Variants in GRM1 observed in about 807,000 individuals in gnomAD.
GRM1 encodes the protein glutamate metabotropic receptor 1, also known as metabotropic glutamate receptor 1.
In GRM1, 33 loss-of-function variants were observed where a neutral mutation model predicts 90.9. The ratio of observed to expected loss-of-function variants is 0.36; its 90% CI spans 0.28 to 0.49. The LOEUF is 0.49. Ranked by LOEUF, GRM1 falls within the 20% of genes least tolerant of loss-of-function variation. The pLI, the probability that GRM1 is intolerant of heterozygous loss-of-function variation, is 0.99. For missense variants in GRM1, 1,190 were observed against 1,534.3 expected (o/e 0.78, Z 3.75); for synonymous variants, 700 against 613.2 (o/e 1.14, Z -2.09).
chr6:146,357,033 T>C (rs1372343971), intron 4 of GRM1, among the ~76,000 whole-genome samples: 1 of 152,192 alleles, frequency 6.6e-6, no homozygotes, highest in Admixed American at 6.5e-5. Context: ...ACATCCTTAG[T>C]AATTAAAGAT....
chr6:146,167,175 A>G (rs1056858423), intron 2 of GRM1, among the ~76,000 whole-genome samples: 1 of 152,274 alleles, frequency 6.6e-6, no homozygotes, highest in Non-Finnish European at 1.5e-5. Context: ...CTTTCAATTG[A>G]CAAAATACTT....
rs368105197 is a variant in GRM1 at position 146,349,329 on chromosome 6, C to T, written c.1187-2921C>T. Among the ~76,000 whole-genome samples the T allele has an allele frequency of 5.2e-4, 79 of 151,876 alleles. 2 individuals are homozygous for T. In the East Asian group the frequency reaches 0.015, roughly 28 times the overall value. ...ATCTCCTGACCTCATGATCCGTCCG[C>T]CTCAGCCTCCCAAAGTGCTGGGATT... is the stretch of plus-strand genomic sequence containing the variant. On this transcript the variant is annotated intron_variant, in intron 3 of 7. Coordinates refer to ENST00000282753, the MANE Select transcript of GRM1 (RefSeq NM_001278064.2).
chr6:146,272,275 A>T (rs1309854636), intron 2 of GRM1, among the ~76,000 whole-genome samples: 2 of 152,250 alleles, frequency 1.3e-5, no homozygotes, highest in Admixed American at 1.3e-4. Flanking sequence ...AATGAACATA[A>T]TAATCTCCTA....
intron 1 of GRM1, among the ~76,000 whole-genome samples, chr6:146,100,001 C>G (rs1583001272): frequency 1.3e-5 from 2 of 152,302 alleles, no homozygotes; most frequent in East Asian, 3.9e-4. Flanking sequence ...TATGACAATT[C>G]CTACTGCTCC....
At chr6:146,169,615 C>T (rs1778028142) in intron 2 of GRM1, among the ~76,000 whole-genome samples, 1 of 152,170 alleles carries the variant, frequency 6.6e-6, no homozygotes, top group Non-Finnish European at 1.5e-5. Context: ...CTGCTTCAAC[C>T]TTCCCAAACT....
intron 2 of GRM1, among the ~76,000 whole-genome samples, chr6:146,194,949 G>T (rs1779063598): frequency 1.3e-5 from 2 of 152,148 alleles, no homozygotes; most frequent in South Asian, 4.1e-4. Context: ...CTGTGACTTG[G>T]TTTATTACAT....
intron 1 of GRM1, among the ~76,000 whole-genome samples, chr6:146,103,902 G>T (rs1777133538): frequency 6.6e-6 from 1 of 152,160 alleles, no homozygotes; most frequent in Non-Finnish European, 1.5e-5. Context: ...GAACACAGAT[G>T]AGGGGGCAAT....
At chr6:146,159,220 A>G in intron 1 of GRM1, 128 bp from the exon 2 acceptor site, 1 of 1,048,430 alleles carries the variant, frequency 9.5e-7, no homozygotes, top group Non-Finnish European at 1.5e-6. Context: ...CGTCAGTCTC[A>G]GCCATATTTA....
intron 7 of GRM1, among the ~76,000 whole-genome samples, chr6:146,411,313 A>T (rs1339843417): frequency 1.3e-5 from 2 of 152,180 alleles, no homozygotes; most frequent in African/African-American, 4.8e-5. Flanking sequence ...GCAGTCAGGG[A>T]ATCTGGATGT....
chr6:146,412,467 G>T (rs1007583244), intron 7 of GRM1, among the ~76,000 whole-genome samples: 5 of 152,106 alleles, frequency 3.3e-5, no homozygotes, highest in African/African-American at 1.2e-4. Context: ...TTCATTTACA[G>T]TAGAGATGAC....
intron 1 of GRM1, among the ~76,000 whole-genome samples, chr6:146,035,889 C>T (rs147071019): frequency 7.7e-4 from 117 of 151,870 alleles, no homozygotes; most frequent in African/African-American, 2.5e-3. Flanking sequence ...AATCCAAAGA[C>T]GAAAAAAATG....
intron 5 of GRM1, among the ~76,000 whole-genome samples, chr6:146,367,312 T>A (rs1181687671): frequency 6.6e-6 from 1 of 152,180 alleles, no homozygotes; most frequent in Non-Finnish European, 1.5e-5. Flanking sequence ...ACCTGTGTAG[T>A]GTATGTTGAA....
At chr6:146,166,634 G>T (rs1211782764) in intron 2 of GRM1, among the ~76,000 whole-genome samples, 1 of 152,106 alleles carries the variant, frequency 6.6e-6, no homozygotes, top group Non-Finnish European at 1.5e-5. Flanking sequence ...ACACAGTCAT[G>T]TTCCAGTTTT....
chr6:146,044,782 T>G (rs1028919439), intron 1 of GRM1, among the ~76,000 whole-genome samples: 8 of 152,076 alleles, frequency 5.3e-5, no homozygotes, highest in Admixed American at 2.6e-4. Context: ...AGAAACTGCC[T>G]CTTAAAAATG....
At chr6:146,092,407 T>C (rs1776744771) in intron 1 of GRM1, among the ~76,000 whole-genome samples, 1 of 152,138 alleles carries the variant, frequency 6.6e-6, no homozygotes, top group African/African-American at 2.4e-5. Context: ...AGGTATCTAT[T>C]ACCTCAAACC....
intron 2 of GRM1, among the ~76,000 whole-genome samples, chr6:146,281,635 T>C (rs1053186155): frequency 2.6e-5 from 4 of 152,260 alleles, no homozygotes; most frequent in Non-Finnish European, 5.9e-5. Context: ...TTATATGTAA[T>C]AGATATTGAA....
intron 2 of GRM1, among the ~76,000 whole-genome samples, chr6:146,290,086 A>C (rs1042916234): frequency 6.6e-6 from 1 of 152,232 alleles, no homozygotes; most frequent in Admixed American, 6.5e-5. Context: ...AATAACTGTC[A>C]GGAAAACATG....
chr6:146,160,653 GC>G (rs1777690472), intron 2 of GRM1, among the ~76,000 whole-genome samples: 1 of 152,146 alleles, frequency 6.6e-6, no homozygotes, highest in Non-Finnish European at 1.5e-5. Flanking sequence ...GTGTGGACAT[GC>G]TCACTGGACC....
intron 3 of GRM1, among the ~76,000 whole-genome samples, chr6:146,305,952 A>C (rs1226685942): frequency 6.6e-6 from 1 of 152,214 alleles, no homozygotes; most frequent in East Asian, 1.9e-4. Flanking sequence ...GGATGGTAAG[A>C]ATATGGCTAA....
Sources: allele counts gnomAD v4.1 joint callset (sites outside exome capture counted in the v4.1 genomes callset), GRCh38; gene constraint gnomAD v4.1.1; transcripts MANE v1.5; gene names NCBI Gene and HGNC (gene_info 2026-07-23, HGNC 2026-07-21).